ADAMTS12: variants seen among roughly 807,000 people sequenced by gnomAD.
ADAMTS12 encodes the protein A disintegrin and metalloproteinase with thrombospondin motifs 12.
A neutral mutation model predicts 167.8 loss-of-function variants in ADAMTS12; 118 were observed. The observed-to-expected ratio is 0.70, with a 90% CI of 0.61 to 0.82. ADAMTS12 has a LOEUF of 0.82. ADAMTS12 is among the 40% of genes least tolerant of loss of function. The probability of loss-of-function intolerance (pLI) is 0.00; values close to 1 mark genes in which losing one functional copy is unlikely to be tolerated. For missense variants in ADAMTS12, 1,916 were observed against 1,998.8 expected (o/e 0.96, Z 0.79); for synonymous variants, 704 against 716.9 (o/e 0.98, Z 0.29).
At chr5:33,802,698 T>A (rs1747057123) in intron 2 of ADAMTS12, among the ~76,000 whole-genome samples, 1 of 152,182 alleles carries the variant, frequency 6.6e-6, no homozygotes, top group African/African-American at 2.4e-5. Context: ...AGCCTTCCCT[T>A]TTTAAGACAC....
rs1746260552 is a variant in ADAMTS12, at chr5:33,570,357, T to C, written c.3972+5697A>G. On this transcript the variant is annotated intron_variant, in intron 19 of 23. Transcript: ENST00000504830. ...AGGGGAGCCAGAGAGAAAGGTCGGG[T>C]TACCCACAAAGGGAAGCCCATCAGA... 2.6e-5 allele frequency among the ~76,000 whole-genome samples: 4 copies of C among 152,218 alleles called. No individual in the cohort carries two copies. The South Asian group carries it at 8.3e-4, about 32-fold the overall frequency.
chr5:33,821,619 C>T (rs1391380119), intron 2 of ADAMTS12, among the ~76,000 whole-genome samples: 2 of 152,156 alleles, frequency 1.3e-5, no homozygotes, highest in African/African-American at 2.4e-5. Flanking sequence ...GGCATCTCCC[C>T]ACTCTCTAAG....
At chr5:33,659,266 G>A (rs1230459279) in intron 6 of ADAMTS12, among the ~76,000 whole-genome samples, 1 of 152,144 alleles carries the variant, frequency 6.6e-6, no homozygotes, top group Non-Finnish European at 1.5e-5. Flanking sequence ...AGCAGGCCCA[G>A]TCTCAGCACA....
At chr5:33,735,282 G>T (rs910797097) in intron 3 of ADAMTS12, among the ~76,000 whole-genome samples, 1 of 152,152 alleles carries the variant, frequency 6.6e-6, no homozygotes, top group African/African-American at 2.4e-5. Context: ...GGTGGGTCCT[G>T]TAGATTTGCA....
chr5:33,857,567 A>G (rs895211358), intron 2 of ADAMTS12, among the ~76,000 whole-genome samples: 3 of 152,192 alleles, frequency 2.0e-5, no homozygotes, highest in East Asian at 3.8e-4. Flanking sequence ...TTGTTTGTCA[A>G]TTATACATCA....
chr5:33,752,935 A>C (rs1745043575), intron 2 of ADAMTS12, among the ~76,000 whole-genome samples: 1 of 152,228 alleles, frequency 6.6e-6, no homozygotes, highest in Non-Finnish European at 1.5e-5. Flanking sequence ...CAGTAATGTA[A>C]CAAGATCTTA....
chr5:33,803,128 T>C (rs1224836480), intron 2 of ADAMTS12, among the ~76,000 whole-genome samples: 2 of 152,118 alleles, frequency 1.3e-5, no homozygotes, highest in Non-Finnish European at 2.9e-5. Flanking sequence ...ATAAGGTACA[T>C]GGATCCAGGG....
At chr5:33,779,734 T>G (rs1440813618) in intron 2 of ADAMTS12, among the ~76,000 whole-genome samples, 1 of 152,162 alleles carries the variant, frequency 6.6e-6, no homozygotes. Flanking sequence ...AGATAAATAC[T>G]ACATGATCTC....
intron 3 of ADAMTS12, among the ~76,000 whole-genome samples, chr5:33,726,501 G>A (rs1743986039): frequency 1.3e-5 from 2 of 152,198 alleles, no homozygotes; most frequent in Admixed American, 1.3e-4. Flanking sequence ...CCCTCACCCA[G>A]AACAGATTCA....
chr5:33,690,310 C>T (rs1221680887), intron 3 of ADAMTS12, among the ~76,000 whole-genome samples: 2 of 152,150 alleles, frequency 1.3e-5, no homozygotes, highest in Admixed American at 1.3e-4. Context: ...AACAGACTAT[C>T]CATTTCTCAA....
At chr5:33,695,078 C>A (rs1742705151) in intron 3 of ADAMTS12, among the ~76,000 whole-genome samples, 1 of 152,158 alleles carries the variant, frequency 6.6e-6, no homozygotes, top group African/African-American at 2.4e-5. Flanking sequence ...AGTCAAGCAC[C>A]ATACTTGCCA....
chr5:33,589,155 G>A (rs972484659), intron 17 of ADAMTS12, among the ~76,000 whole-genome samples: 4 of 152,230 alleles, frequency 2.6e-5, no homozygotes, highest in African/African-American at 9.6e-5. Flanking sequence ...TTCAATGGGT[G>A]TGAAAATATA....
chr5:33,748,562 C>T (rs935617821), intron 3 of ADAMTS12, among the ~76,000 whole-genome samples: 8 of 152,258 alleles, frequency 5.3e-5, no homozygotes, highest in African/African-American at 1.9e-4. Flanking sequence ...AGTGAAAGGA[C>T]AGATTTTAGG....
chr5:33,546,179 T>C lies in ADAMTS12; in HGVS notation c.4326A>G (p.Gly1442=). ...WSQCSRSCGG[G]VQERGVFCPG... ...GACAGAACACTCCTCTCTCCTGAAC[T>C]CCACCTCCACAGGACCTGGAGCACT... Residue 1442 remains glycine, a synonymous_variant, in exon 22 of 24, where the codon GGA becomes GGG. Transcript: ENST00000504830. The C allele has an allele frequency of 6.2e-7, 1 of 1,612,960 alleles. No homozygotes were observed. Among genetic ancestry groups the C allele is most frequent in the Non-Finnish European group, 8.5e-7 (1 of 1,179,562 alleles).
intron 22 of ADAMTS12, among the ~76,000 whole-genome samples, chr5:33,542,078 A>G (rs1400265974): frequency 6.6e-6 from 1 of 152,066 alleles, no homozygotes; most frequent in East Asian, 1.9e-4. Flanking sequence ...ATTGGTGTGT[A>G]TATTCAGGAG....
intron 5 of ADAMTS12, among the ~76,000 whole-genome samples, chr5:33,673,452 G>A (rs1180303260): frequency 6.6e-6 from 1 of 152,068 alleles, no homozygotes; most frequent in Non-Finnish European, 1.5e-5. Context: ...CATCGACTCA[G>A]TTGCCCAATC....
intron 22 of ADAMTS12, among the ~76,000 whole-genome samples, chr5:33,536,216 A>C (rs1366080808): frequency 6.6e-6 from 1 of 152,120 alleles, no homozygotes; most frequent in Non-Finnish European, 1.5e-5. Context: ...GGCTCACTGC[A>C]ACCTCCCTCC....
intron 2 of ADAMTS12, among the ~76,000 whole-genome samples, chr5:33,758,649 C>T (rs552962034): frequency 1.7e-4 from 26 of 152,104 alleles, no homozygotes; most frequent in Middle Eastern, 3.4e-3. Context: ...AACCAATGGA[C>T]GGGGTAGGCA....
intron 2 of ADAMTS12, among the ~76,000 whole-genome samples, chr5:33,838,649 T>C (rs1250901676): frequency 6.6e-6 from 1 of 151,888 alleles, no homozygotes; most frequent in Non-Finnish European, 1.5e-5. Context: ...GCCACTGCGC[T>C]CCAGCCTGGG....
Sources: gnomAD v4.1 joint callset for allele counts (sites outside exome capture counted in the v4.1 genomes callset) on GRCh38, gnomAD v4.1.1 for gene constraint, MANE v1.5 for transcripts, NCBI Gene and HGNC (gene_info 2026-07-23, HGNC 2026-07-21) for gene names.